Variants in CFAP47 observed in about 807,000 individuals in gnomAD.
CFAP47 encodes the protein cilia and flagella associated protein 47.
CFAP47 carries 29 observed loss-of-function variants against 148.1 expected under a neutral mutation model. The observed-to-expected ratio is 0.20, with a 90% CI of 0.15 to 0.27. The LOEUF is 0.27. Among genes scored for constraint, CFAP47 ranks in the 10% least tolerant of loss-of-function variants. The pLI is 1.00. For missense variants in CFAP47, 1,872 were observed against 1,697.5 expected (o/e 1.10, Z -1.81); for synonymous variants, 664 against 577.3 (o/e 1.15, Z -2.15).
At chrX:36,279,080 C>G (rs927339579) in intron 49 of CFAP47, among the ~76,000 whole-genome samples, 1 of 111,903 alleles carries the variant, frequency 8.9e-6, no homozygotes, top group Non-Finnish European at 1.9e-5. Context: ...TTAGGCATTT[C>G]TTTCTTTTAG....
intron 10 of CFAP47, 31 bp from the exon 11 acceptor site, chrX:35,970,737 A>C: frequency 9.1e-7 from 1 of 1,103,161 alleles, no homozygotes; most frequent in Non-Finnish European, 1.2e-6. Flanking sequence ...TGCATATATA[A>C]AAATATTAAC....
At position 36,039,177 on chromosome X, in the gene CFAP47, C is replaced by A. The variant is rs947763629; in HGVS notation, c.4005C>A (p.Phe1335Leu). The stretch of plus-strand genomic sequence containing the variant: ...TCAACATTTTACCTCAAAACTATTT[C>A]AGGTAAATACTCAATGTGAATTTAC... ...MDINILPQNY[F>L]RNSTLCVQIP... is the part of the protein sequence containing the mutation. The change falls in exon 25 of 64, where the codon TTC becomes TTA. Residue 1335 changes from phenylalanine to leucine, a missense_variant and splice_region_variant. Coordinates refer to ENST00000378653, the MANE Select transcript of CFAP47 (RefSeq NM_001304548.2). The A allele has an allele frequency of 2.6e-5, 26 of 989,656 alleles. No individual in the cohort carries two copies. Among genetic ancestry groups the A allele is most frequent in the Non-Finnish European group, 3.5e-5 (26 of 740,107 alleles). The allele number at this position is 989,656 out of a possible 1,213,427, so 81.6% of individuals were successfully genotyped here. A position where few individuals can be genotyped will look rare whatever the true frequency, so the allele number is the denominator to read the frequency against.
At chrX:36,043,276 A>G (rs1225582588) in intron 25 of CFAP47, among the ~76,000 whole-genome samples, 1 of 112,268 alleles carries the variant, frequency 8.9e-6, no homozygotes, top group Non-Finnish European at 1.9e-5. Flanking sequence ...TTTAAGTCTC[A>G]TGTCCTTTTA....
chrX:35,931,303 C>T (rs953824889), intron 2 of CFAP47, among the ~76,000 whole-genome samples: 12 of 111,044 alleles, frequency 1.1e-4, no homozygotes, highest in African/African-American at 3.6e-4. Context: ...GATTTTCTTG[C>T]ACTGAAGCCT....
chrX:35,924,738 T>C (rs764848503), intron 1 of CFAP47, among the ~76,000 whole-genome samples: 77 of 110,832 alleles, frequency 6.9e-4, no homozygotes, highest in African/African-American at 2.3e-3. Context: ...TTTAAAGTAG[T>C]CCATTGGCAT....
chrX:36,023,567 G>A (rs1937183711), intron 22 of CFAP47, among the ~76,000 whole-genome samples: 1 of 112,030 alleles, frequency 8.9e-6, no homozygotes, highest in South Asian at 3.7e-4. Context: ...CAGGCCCCGG[G>A]TGGGTCCAGA....
chrX:36,052,478 T>C (rs1047251688), intron 26 of CFAP47, among the ~76,000 whole-genome samples: 1 of 112,316 alleles, frequency 8.9e-6, no homozygotes, highest in South Asian at 3.6e-4. Flanking sequence ...ACATTTTTCA[T>C]TGAGGTTTTA....
chrX:36,221,694 T>C (rs782129217), intron 45 of CFAP47, among the ~76,000 whole-genome samples: 1 of 111,361 alleles, frequency 9.0e-6, no homozygotes, highest in Non-Finnish European at 1.9e-5. Flanking sequence ...GGCATAGATA[T>C]ATTAATATTA....
chrX:35,928,236 C>T lies in CFAP47; in HGVS notation c.401+2068C>T, dbSNP rs1205345015. ...TAACAGAAAATCCCAAATTGCTTTT[C>T]AGAGCGCCTGTACCATTTTACATTT... On this transcript the variant is annotated intron_variant, in intron 2 of 63. Coordinates refer to ENST00000378653, the MANE Select transcript of CFAP47 (RefSeq NM_001304548.2). Among the ~76,000 whole-genome samples, 8 of 110,609 alleles carry T rather than the reference C, an allele frequency of 7.2e-5. No homozygotes were observed. In the East Asian group the frequency reaches 1.7e-3, roughly 23 times the overall value.
intron 22 of CFAP47, among the ~76,000 whole-genome samples, chrX:36,019,591 G>A (rs950147064): frequency 3.6e-5 from 4 of 111,685 alleles, no homozygotes; most frequent in Non-Finnish European, 5.6e-5. Flanking sequence ...AGAGGTTGTC[G>A]CTATTACTAT....
chrX:35,980,612 A>T (rs1254857255), intron 15 of CFAP47, among the ~76,000 whole-genome samples: 8 of 110,471 alleles, frequency 7.2e-5, no homozygotes, highest in African/African-American at 2.6e-4. Context: ...ATTTTTTTTT[A>T]CCCTTTATTT....
At chrX:36,268,665 A>ATGTC (rs1940923581) in intron 49 of CFAP47, among the ~76,000 whole-genome samples, 1 of 112,078 alleles carries the variant, frequency 8.9e-6, no homozygotes, top group South Asian at 3.6e-4. Flanking sequence ...GTGTGTCTGT[A>ATGTC]TGTCTGTCTG....
At chrX:35,924,242 T>C (rs1304847641) in intron 1 of CFAP47, among the ~76,000 whole-genome samples, 2 of 91,158 alleles carry the variant, frequency 2.2e-5, no homozygotes, top group Non-Finnish European at 4.1e-5. Flanking sequence ...TGGACATGTA[T>C]GTGTGCATAT....
intron 39 of CFAP47, among the ~76,000 whole-genome samples, chrX:36,170,129 A>G (rs1322662674): frequency 9.0e-6 from 1 of 111,292 alleles, no homozygotes; most frequent in Non-Finnish European, 1.9e-5. Flanking sequence ...AACTCCACTG[A>G]TCTTACCAAA....
chrX:36,384,159 G>A (rs970037624), intron 63 of CFAP47, among the ~76,000 whole-genome samples: 7 of 110,002 alleles, frequency 6.4e-5, no homozygotes, highest in Non-Finnish European at 1.1e-4. Context: ...TGGCCAATGT[G>A]GAGATACCCC....
rs142539636 is a variant in CFAP47, at chrX:36,215,659, G to C, written c.6817+10549G>C. ...TGTCTGTTGGGATTCAATCAGAATG[G>C]TGGCAGAAATATTAGGGAAAGTTAT... On this transcript the variant is annotated intron_variant, in intron 45 of 63. Coordinates refer to ENST00000378653, the MANE Select transcript of CFAP47 (RefSeq NM_001304548.2). 6.6e-3 allele frequency among the ~76,000 whole-genome samples: 740 copies of C among 111,712 alleles called. 5 individuals carry two copies. The highest frequency in any genetic ancestry group is 0.017 in the African/African-American group (536 of 30,756).
chrX:36,341,130 G>A (rs1393330322), intron 57 of CFAP47, among the ~76,000 whole-genome samples: 13 of 106,568 alleles, frequency 1.2e-4, no homozygotes, highest in Non-Finnish European at 1.2e-4. Context: ...CTGCTTCCCA[G>A]GTTCAAGCGA....
chrX:36,364,901 CATATATATATATATAT>C (rs60748143), intron 61 of CFAP47, among the ~76,000 whole-genome samples: 6,605 of 67,344 alleles, frequency 0.098, 294 homozygotes, highest in East Asian at 0.33. Context: ...ATATTTTGTG[CATATATATATATATAT>C]ATATATATAT....
chrX:36,314,734 T>TGA (rs1358510624), intron 56 of CFAP47, among the ~76,000 whole-genome samples: 3 of 109,607 alleles, frequency 2.7e-5, no homozygotes, highest in Non-Finnish European at 1.9e-5. Context: ...CCTACCTATC[T>TGA]GAGAGAGAGA....
Sources: gnomAD v4.1 joint callset for allele counts (sites outside exome capture counted in the v4.1 genomes callset) on GRCh38, gnomAD v4.1.1 for gene constraint, MANE v1.5 for transcripts, NCBI Gene and HGNC (gene_info 2026-07-23, HGNC 2026-07-21) for gene names.